The following NFE2L1 variants were observed in gnomAD, a reference collection of about 807,000 sequenced individuals.
The protein encoded by NFE2L1 is endoplasmic reticulum membrane sensor NFE2L1.
A neutral mutation model predicts 61.6 loss-of-function variants in NFE2L1; 18 were observed. That is an observed-to-expected ratio of 0.29 (90% CI 0.20 to 0.43). The LOEUF is 0.43. Ranked by LOEUF, NFE2L1 falls within the 20% of genes least tolerant of loss-of-function variation. The probability of loss-of-function intolerance (pLI) is 1.00; values close to 1 mark genes in which losing one functional copy is unlikely to be tolerated. For synonymous variants in NFE2L1, 419 were observed against 402.7 expected, an observed-to-expected ratio of 1.04 and a Z score of -0.48; for missense variants, 827 against 973.5, an observed-to-expected ratio of 0.85 and a Z score of 2.00.
chr17:48,054,976 C>T (rs753215843), intron 2 of NFE2L1: 22 of 1,484,664 alleles, frequency 1.5e-5, no homozygotes, highest in African/African-American at 4.3e-5. Flanking sequence ...GCCCCCTGTC[C>T]GGCTTCCCGG....
intron 2 of NFE2L1, among the ~76,000 whole-genome samples, chr17:48,052,308 TC>T: frequency 6.6e-6 from 1 of 152,318 alleles, no homozygotes; most frequent in Admixed American, 6.5e-5. Context: ...GACATACTGT[TC>T]TGGGCAGAAA....
chr17:48,055,192 T>A lies in NFE2L1; in HGVS notation c.511-1194T>A, dbSNP rs1360713585. ...AGACTAAAGTAGTACGTCTGGGAGG[T>A]CTTAGGGTCAGGGGGGGTTAATGGG... On this transcript the variant is annotated intron_variant, in intron 2 of 5. Coordinates refer to ENST00000362042, the MANE Select transcript of NFE2L1 (RefSeq NM_003204.3). The A allele has an allele frequency of 4.6e-6, 6 of 1,306,614 alleles. No homozygotes were observed. In the South Asian group the frequency reaches 1.2e-4, roughly 27 times the overall value. The allele number at this position is 1,306,614 out of a possible 1,614,324, so 80.9% of individuals were successfully genotyped here.
chr17:48,054,579 G>A (rs1392943831), intron 2 of NFE2L1: 4 of 949,670 alleles, frequency 4.2e-6, no homozygotes, highest in Non-Finnish European at 5.4e-6. Context: ...GCTCTCTGCA[G>A]CCTCAGCAGT....
rs542643018 is a variant in NFE2L1, at chr17:48,058,365, A to C, written c.1043A>C (p.Asn348Thr). Residue 348 changes from asparagine (N) to threonine (T), a missense_variant, in exon 6 of 6, where the codon AAC (asparagine) becomes ACC (threonine). Around this residue, in one of 3 missense-constraint regions of NFE2L1, gnomAD observed 667 missense variants for 748.4 expected, o/e 0.89. Transcript: ENST00000362042. ...CCTCCTGGAGACCCACTGAGCACCA[A>C]CTACAGCCTTGCCCCCAACACTCCC... is the stretch of plus-strand genomic sequence containing the variant. ...SAPPGDPLST[N>T]YSLAPNTPIN... The C allele has an allele frequency of 1.9e-4, 304 of 1,614,066 alleles. 7 individuals carry two copies. The South Asian group carries it at 3.2e-3, about 17-fold the overall frequency.
chr17:48,054,857 G>C (rs1342508933), intron 2 of NFE2L1: 5 of 1,351,632 alleles, frequency 3.7e-6, no homozygotes, highest in African/African-American at 1.5e-5. Context: ...GGCTGGCTGG[G>C]CCGCCCAGGC....
At chr17:48,055,103 C>A (rs1012157140) in intron 2 of NFE2L1, 1 of 1,443,758 alleles carries the variant, frequency 6.9e-7, no homozygotes, top group South Asian at 1.4e-5. Flanking sequence ...GGCTGGTCAC[C>A]GGGTGGCCCA....
chr17:48,052,381 T>A (rs976997057), intron 2 of NFE2L1, among the ~76,000 whole-genome samples: 2 of 152,126 alleles, frequency 1.3e-5, no homozygotes, highest in African/African-American at 2.4e-5. Flanking sequence ...CTCACCAACA[T>A]AAGATTGCTT....
At chr17:48,049,034 T>C (rs566471119) in intron 1 of NFE2L1, 27 of 152,552 alleles carry the variant, frequency 1.8e-4, no homozygotes, top group African/African-American at 6.5e-4. Flanking sequence ...GCAATTGTGT[T>C]TACTCTGACC....
chr17:48,052,807 A>G (rs938506368), intron 2 of NFE2L1, among the ~76,000 whole-genome samples: 4 of 152,150 alleles, frequency 2.6e-5, no homozygotes, highest in African/African-American at 4.8e-5. Flanking sequence ...GCTGGTTAAC[A>G]TCTTGAATGG....
At position 48,059,693 on chromosome 17, in the gene NFE2L1, GCTGGACCTGGAC is replaced by G. The variant is rs148827257; in HGVS notation, c.*67_*78del. 1,950 of 1,511,896 alleles carry G rather than the reference GCTGGACCTGGAC, an allele frequency of 1.3e-3. 15 individuals carry two copies. The African/African-American group carries it at 0.017, about 13-fold the overall frequency. 93.7% of individuals were successfully genotyped at this position (1,511,896 alleles called of 1,614,324 possible). A position where few individuals can be genotyped will look rare whatever the true frequency, so the allele number is the denominator to read the frequency against. ...CCACCAAGACCGAAACTGGAGAAGG[GCTGGACCTGGAC>G]CTGGACCTGGACCTACAGCGGGGAC... On this transcript the variant is annotated 3_prime_UTR_variant, in exon 6 of 6. Coordinates refer to ENST00000362042, the MANE Select transcript of NFE2L1 (RefSeq NM_003204.3). This position sits in a 1 kb window ranked among gnomAD's most constrained non-coding sequence, Gnocchi z 6.1.
At position 48,059,119 on chromosome 17, in the gene NFE2L1, C is replaced by T. The variant is rs1222532865; in HGVS notation, c.1797C>T (p.Ser599=). The T allele has an allele frequency of 4.3e-6, 7 of 1,614,048 alleles. No individual in the cohort carries two copies. The highest frequency in any genetic ancestry group is 5.9e-6 in the Non-Finnish European group (7 of 1,180,028). Residue 599 remains serine (S), a synonymous_variant, in exon 6 of 6, where the codon AGC becomes AGT. Transcript: ENST00000362042. The surrounding 1 kb of genome is among the most constrained non-coding windows in gnomAD (Gnocchi z 6.1). ...CACCCAGTGCCCTCAAGAAAGGCAG[C>T]AAGGAGAAGCAGGCTGACTTCCTGG... ...LPPPSALKKG[S]KEKQADFLDK...
chr17:48,059,822 C>A lies in NFE2L1; in HGVS notation c.*181C>A. ...GCAGGCACTGGCTGGCTCAGCTCCA[C>A]TCGGGTGGAGTGGAAGTGGCCAGAC... is the stretch of plus-strand genomic sequence containing the variant. On this transcript the variant is annotated 3_prime_UTR_variant, in exon 6 of 6. Transcript: ENST00000362042. The surrounding 1 kb of genome is among the most constrained non-coding windows in gnomAD (Gnocchi z 6.1). 1 of 911,030 alleles carries A rather than the reference C, an allele frequency of 1.1e-6. No individual in the cohort carries two copies. Among genetic ancestry groups the A allele is most frequent in the Non-Finnish European group, 1.6e-6 (1 of 632,308 alleles). The allele number at this position is 911,030 out of a possible 1,614,324, so 56.4% of individuals were successfully genotyped here. A position where few individuals can be genotyped will look rare whatever the true frequency, so the allele number is the denominator to read the frequency against.
Position 48,059,187 on chromosome 17 carries a change from A to G in NFE2L1, c.1865A>G (p.Lys622Arg). Residue 622 changes from lysine to arginine, a missense_variant, in exon 6 of 6, where the codon AAG becomes AGG. Transcript: ENST00000362042. The surrounding 1 kb of genome is among the most constrained non-coding windows in gnomAD (Gnocchi z 6.1). ...GATGAGCACCGAGCCCGAGCCATGAAGATCCCTTTCACCAATGACAAAATC... is the reference window on the plus strand; with the variant it reads ...GATGAGCACCGAGCCCGAGCCATGAGGATCCCTTTCACCAATGACAAAATC... ...SRDEHRARAM[K>R]IPFTNDKIIN... The G allele has an allele frequency of 2.5e-6, 4 of 1,614,156 alleles. No homozygotes were observed. The highest frequency in any genetic ancestry group is 1.3e-5 in the African/African-American group (1 of 75,050).
Position 48,057,099 on chromosome 17 carries a change from G to T in NFE2L1, c.791G>T (p.Cys264Phe). 1 of 1,613,462 alleles carries T rather than the reference G, an allele frequency of 6.2e-7. No homozygotes were observed. Among genetic ancestry groups the T allele is most frequent in the Non-Finnish European group, 8.5e-7 (1 of 1,179,898 alleles). Residue 264 changes from cysteine to phenylalanine, a missense_variant, in exon 4 of 6, where the codon TGC (cysteine) becomes TTC (phenylalanine). By Grantham distance (205) the Cys-to-Phe change is radical. Around this residue, in one of 3 missense-constraint regions of NFE2L1, gnomAD observed 667 missense variants for 748.4 expected, o/e 0.89. Transcript: ENST00000362042. ...TGCCTTAGGCTGCTGGAAGCCACCT[G>T]CCCCTTTGGGGAGAATGCTGAGGTG... ...EECLRLLEAT[C>F]PFGENAEFPA...
rs181240962 is a variant in NFE2L1 at position 48,058,420 on chromosome 17, G to A, written c.1098G>A (p.Ala366=). ...ATCAGAATGTCAGCCTGCATCAGGC[G>A]TCCCTGGGGGGCTGCAGCCAGGACT... is the stretch of plus-strand genomic sequence containing the variant. ...PINQNVSLHQ[A]SLGGCSQDFL... The change falls in exon 6 of 6, where the codon GCG becomes GCA. Residue 366 remains alanine (A), a synonymous_variant. Coordinates refer to ENST00000362042, the MANE Select transcript of NFE2L1 (RefSeq NM_003204.3). 65 of 1,614,166 alleles carry A rather than the reference G, an allele frequency of 4.0e-5. 1 individual carries two copies. Among genetic ancestry groups the A allele is most frequent in the Admixed American group, 1.0e-4 (6 of 60,014 alleles).
At chr17:48,053,300 T>A (rs993012870) in intron 2 of NFE2L1, among the ~76,000 whole-genome samples, 2 of 152,166 alleles carry the variant, frequency 1.3e-5, no homozygotes, top group African/African-American at 4.8e-5. Context: ...AGGTTGTGCT[T>A]TTCCTCATCT....
intron 5 of NFE2L1, 63 bp from the exon 6 acceptor site, chr17:48,058,232 T>C: frequency 6.6e-7 from 1 of 1,512,994 alleles, no homozygotes; most frequent in African/African-American, 1.4e-5. Flanking sequence ...GTGCCTGCAG[T>C]GTGTGAGCCC....
At chr17:48,052,787 G>A (rs1342327724) in intron 2 of NFE2L1, among the ~76,000 whole-genome samples, 1 of 152,086 alleles carries the variant, frequency 6.6e-6, no homozygotes, top group Non-Finnish European at 1.5e-5. Context: ...AGTGGGTAGG[G>A]GCCAAGGATG....
chr17:48,059,032 C>T lies in NFE2L1; in HGVS notation c.1710C>T (p.His570=), dbSNP rs190931618. Residue 570 remains histidine (H), a synonymous_variant, in exon 6 of 6, where the codon CAC becomes CAT. Coordinates refer to ENST00000362042, the MANE Select transcript of NFE2L1 (RefSeq NM_003204.3). The surrounding 1 kb of genome is among the most constrained non-coding windows in gnomAD (Gnocchi z 6.1). ...TCTCATGCCTGCCCTACCTGGAGCA[C>T]GTGGGCCACAACCACACATACAACA... ...AQLSCLPYLE[H]VGHNHTYNMA... is the part of the protein sequence containing the mutation. The T allele has an allele frequency of 6.8e-6, 11 of 1,614,044 alleles. No homozygotes were observed. Among genetic ancestry groups the T allele is most frequent in the East Asian group, 2.2e-5 (1 of 44,888 alleles).
Sources: allele counts gnomAD v4.1 joint callset (sites outside exome capture counted in the v4.1 genomes callset), GRCh38; gene constraint gnomAD v4.1.1; regional missense constraint gnomAD v4.1.1; non-coding constraint Gnocchi (gnomAD v3.1); transcripts MANE v1.5; gene names NCBI Gene and HGNC (gene_info 2026-07-23, HGNC 2026-07-21).